Variants in NTM observed in about 807,000 individuals in gnomAD.
The protein encoded by NTM is IgLON family member 2.
NTM carries 13 observed loss-of-function variants against 42.1 expected under a neutral mutation model. That is an observed-to-expected ratio of 0.31 (90% confidence interval 0.20 to 0.49). NTM has a LOEUF of 0.49. NTM is among the 20% of genes least tolerant of loss of function. NTM has a pLI of 0.99. For synonymous variants in NTM, 187 were observed against 179.2 expected, an observed-to-expected ratio of 1.04 and a Z score of -0.35; for missense variants, 373 against 452.8, an observed-to-expected ratio of 0.82 and a Z score of 1.60.
chr11:131,482,674 A>G (rs932832164), intron 1 of NTM, among the ~76,000 whole-genome samples: 46 of 152,240 alleles, frequency 3.0e-4, no homozygotes, highest in African/African-American at 1.0e-3. Flanking sequence ...ATACCTCCAA[A>G]AGAGATTTAA....
chr11:131,994,017 A>AAAAAAAAG (rs566525065), intron 2 of NTM, among the ~76,000 whole-genome samples: 1 of 137,998 alleles, frequency 7.2e-6, no homozygotes, highest in African/African-American at 2.8e-5. Context: ...AAAAAAAAAA[A>AAAAAAAAG]AAGAAGAAGA....
chr11:131,966,448 A>T (rs1212557269), intron 2 of NTM, among the ~76,000 whole-genome samples: 1 of 152,222 alleles, frequency 6.6e-6, no homozygotes, highest in East Asian at 1.9e-4. Flanking sequence ...GGTAGGGGAA[A>T]AAAGCAGAAT....
chr11:131,811,168 C>T (rs73579924), intron 1 of NTM, among the ~76,000 whole-genome samples: 3,755 of 152,190 alleles, frequency 0.025, 155 homozygotes, highest in African/African-American at 0.087. Context: ...GGTTATGTGG[C>T]CAGTATCCAC....
intron 1 of NTM, among the ~76,000 whole-genome samples, chr11:131,907,321 C>T (rs115746634): frequency 1.3e-3 from 204 of 152,336 alleles, no homozygotes; most frequent in African/African-American, 4.7e-3. Context: ...TGTTCCAGCC[C>T]TGCTTCAGTG....
intron 2 of NTM, among the ~76,000 whole-genome samples, chr11:132,131,205 T>C (rs2066759589): frequency 6.6e-6 from 1 of 152,294 alleles, no homozygotes; most frequent in South Asian, 2.1e-4. Context: ...GTGTTATGCT[T>C]CTGGCAGCCC....
chr11:131,773,930 TACAATTCCC>T (rs1448818258), intron 1 of NTM: 28 of 821,004 alleles, frequency 3.4e-5, no homozygotes, highest in South Asian at 2.2e-4. Context: ...GGACTCACTG[TACAATTCCC>T]ACAAGTGTGT....
intron 2 of NTM, among the ~76,000 whole-genome samples, chr11:131,983,561 AGAT>A (rs2065607498): frequency 6.6e-6 from 1 of 151,900 alleles, no homozygotes; most frequent in Non-Finnish European, 1.5e-5. Context: ...TTTTTATTAG[AGAT>A]GGGGTTTCAC....
chr11:131,453,775 T>A (rs1055924609), intron 1 of NTM, among the ~76,000 whole-genome samples: 5 of 151,980 alleles, frequency 3.3e-5, no homozygotes, highest in Non-Finnish European at 7.4e-5. Context: ...TGCTCAGCAT[T>A]GGCTGCAGGT....
chr11:131,530,728 C>T (rs1375435625), intron 1 of NTM, among the ~76,000 whole-genome samples: 1 of 152,176 alleles, frequency 6.6e-6, no homozygotes, highest in Non-Finnish European at 1.5e-5. Context: ...TGCTGGAGGG[C>T]CAACGACCCC....
intron 7 of NTM, among the ~76,000 whole-genome samples, chr11:132,328,039 G>A (rs577489177): frequency 6.6e-6 from 1 of 152,256 alleles, no homozygotes; most frequent in African/African-American, 2.4e-5. Flanking sequence ...ACTGGAGTTT[G>A]TGGCCAGGAC....
At chr11:131,615,831 A>T (rs576898391) in intron 1 of NTM, among the ~76,000 whole-genome samples, 2 of 152,164 alleles carry the variant, frequency 1.3e-5, no homozygotes, top group South Asian at 4.2e-4. Flanking sequence ...CATCCCAGGG[A>T]GCTTACTGAG....
At chr11:131,392,786 G>C (rs946594609) in intron 1 of NTM, among the ~76,000 whole-genome samples, 1 of 152,172 alleles carries the variant, frequency 6.6e-6, no homozygotes, top group African/African-American at 2.4e-5. Flanking sequence ...AAGTCTGGAA[G>C]GTTGCTTTCT....
At chr11:131,904,571 C>T (rs898356589) in intron 1 of NTM, among the ~76,000 whole-genome samples, 9 of 152,128 alleles carry the variant, frequency 5.9e-5, no homozygotes, top group Non-Finnish European at 1.2e-4. Context: ...GAGACCTGAG[C>T]GTGTTGGGCC....
chr11:131,431,660 C>T (rs1468568386), intron 1 of NTM, among the ~76,000 whole-genome samples: 1 of 152,194 alleles, frequency 6.6e-6, no homozygotes, highest in Non-Finnish European at 1.5e-5. Context: ...TAAATATTTA[C>T]CTTCTCATCT....
chr11:132,075,328 G>A (rs1347825134), intron 2 of NTM, among the ~76,000 whole-genome samples: 1 of 152,130 alleles, frequency 6.6e-6, no homozygotes, highest in Non-Finnish European at 1.5e-5. Flanking sequence ...TGTTCTTGCT[G>A]CTATAAAATA....
chr11:132,317,707 C>T (rs1415054032), intron 7 of NTM: 2 of 1,300,514 alleles, frequency 1.5e-6, no homozygotes, highest in Non-Finnish European at 2.0e-6. Flanking sequence ...ATCTTCCTTG[C>T]TTTATGTTTT....
chr11:132,170,082 G>C (rs1161210411), intron 3 of NTM, among the ~76,000 whole-genome samples: 1 of 152,160 alleles, frequency 6.6e-6, no homozygotes, highest in Non-Finnish European at 1.5e-5. Context: ...CAGATGCTGT[G>C]AGCCAAGTGC....
intron 7 of NTM, among the ~76,000 whole-genome samples, chr11:132,322,923 A>G (rs1227847849): frequency 2.8e-5 from 4 of 143,872 alleles, no homozygotes; most frequent in African/African-American, 7.7e-5. Flanking sequence ...CCGCTCCTGA[A>G]TGACTACTGG....
intron 1 of NTM, among the ~76,000 whole-genome samples, chr11:131,757,748 A>G (rs1435328691): frequency 6.6e-6 from 1 of 152,196 alleles, no homozygotes; most frequent in African/African-American, 2.4e-5. Flanking sequence ...AGGTATACAT[A>G]TAAAAGCAGG....
Sources: gnomAD v4.1 joint callset for allele counts (sites outside exome capture counted in the v4.1 genomes callset) on GRCh38, gnomAD v4.1.1 for gene constraint, MANE v1.5 for transcripts, NCBI Gene and HGNC (gene_info 2026-07-23, HGNC 2026-07-21) for gene names.